ROBO1: variants seen among roughly 807,000 people sequenced by gnomAD.
The protein encoded by ROBO1 is roundabout guidance receptor 1.
A neutral mutation model predicts 195.9 loss-of-function variants in ROBO1; 149 were observed. The ratio of observed to expected loss-of-function variants is 0.76; its 90% CI spans 0.67 to 0.87. The LOEUF (loss-of-function observed/expected upper bound fraction) is 0.87. Among genes scored for constraint, ROBO1 ranks in the 40% least tolerant of loss-of-function variants. ROBO1 has a pLI of 0.00. For missense variants in ROBO1, 1,933 were observed against 2,068.3 expected (o/e 0.93, Z 1.27); for synonymous variants, 816 against 733.2 (o/e 1.11, Z -1.82).
intron 3 of ROBO1, among the ~76,000 whole-genome samples, chr3:79,084,026 C>A (rs1418771439): frequency 6.6e-6 from 1 of 152,144 alleles, no homozygotes; most frequent in Non-Finnish European, 1.5e-5. Context: ...ATTGTACTGC[C>A]TGACTCTGGA....
chr3:79,374,935 A>T (rs2036331598), intron 2 of ROBO1, among the ~76,000 whole-genome samples: 1 of 152,162 alleles, frequency 6.6e-6, no homozygotes, highest in Non-Finnish European at 1.5e-5. Context: ...TACTGAATGT[A>T]CTTAAGTTTT....
At chr3:78,800,670 C>T (rs772344110) in intron 4 of ROBO1, among the ~76,000 whole-genome samples, 18 of 152,106 alleles carry the variant, frequency 1.2e-4, no homozygotes, top group Middle Eastern at 3.2e-3. Context: ...GATTCTCCTG[C>T]CTCAGCCTCC....
chr3:78,898,140 CAT>C (rs759399986), intron 4 of ROBO1, among the ~76,000 whole-genome samples: 561 of 145,580 alleles, frequency 3.9e-3, no homozygotes, highest in African/African-American at 0.011. Flanking sequence ...AGTTCTAAAA[CAT>C]ATATATATAT....
intron 4 of ROBO1, among the ~76,000 whole-genome samples, chr3:78,785,269 T>C (rs2083797240): frequency 6.6e-6 from 1 of 152,198 alleles, no homozygotes; most frequent in Non-Finnish European, 1.5e-5. Context: ...TAGAACACTC[T>C]TCTGAGTCTT....
At chr3:79,484,007 G>A (rs1324356674) in intron 2 of ROBO1, among the ~76,000 whole-genome samples, 1 of 152,186 alleles carries the variant, frequency 6.6e-6, no homozygotes, top group Non-Finnish European at 1.5e-5. Flanking sequence ...AGACCTAACT[G>A]CTTTCAAGGA....
At chr3:79,251,327 G>T (rs891002929) in intron 2 of ROBO1, among the ~76,000 whole-genome samples, 1 of 152,140 alleles carries the variant, frequency 6.6e-6, no homozygotes, top group African/African-American at 2.4e-5. Context: ...TGCAGAAGTA[G>T]TACTTTTGGA....
intron 2 of ROBO1, among the ~76,000 whole-genome samples, chr3:79,423,232 A>C (rs903315661): frequency 3.9e-5 from 6 of 152,116 alleles, no homozygotes; most frequent in Non-Finnish European, 7.4e-5. Context: ...AATAGATGAG[A>C]TTAAAATGGG....
rs576273122 is a variant in ROBO1, at chr3:78,922,665, A to C, written c.499+15936T>G. On this transcript the variant is annotated intron_variant, in intron 4 of 30. Transcript: ENST00000464233. ...TGTTCTGTCACCCAGGCTGGAGTGC[A>C]GTGGCACGATCTCAGCTCACTGCAA... 5.2e-3 allele frequency among the ~76,000 whole-genome samples: 736 copies of C among 141,758 alleles called. 5 individuals carry two copies. Among genetic ancestry groups the C allele is most frequent in the African/African-American group, 0.019 (699 of 37,220 alleles). 93.0% of individuals were successfully genotyped at this position (141,758 alleles called of 152,430 possible). A position where few individuals can be genotyped will look rare whatever the true frequency, so the allele number is the denominator to read the frequency against.
chr3:79,509,691 A>G (rs1940598950), intron 2 of ROBO1, among the ~76,000 whole-genome samples: 1 of 152,176 alleles, frequency 6.6e-6, no homozygotes, highest in African/African-American at 2.4e-5. Context: ...ATGTGTGACA[A>G]GCACTCAATA....
At chr3:79,660,676 C>T (rs1039855010) in intron 1 of ROBO1, among the ~76,000 whole-genome samples, 4 of 152,074 alleles carry the variant, frequency 2.6e-5, no homozygotes, top group African/African-American at 9.7e-5. Context: ...CCATGACCAT[C>T]AGAATATACT....
At chr3:78,833,430 G>A (rs1284907834) in intron 4 of ROBO1, among the ~76,000 whole-genome samples, 2 of 151,988 alleles carry the variant, frequency 1.3e-5, no homozygotes, top group Admixed American at 6.6e-5. Context: ...AAAATTAATT[G>A]TATGAAACCA....
intron 3 of ROBO1, among the ~76,000 whole-genome samples, chr3:79,008,161 CT>C (rs2077670666): frequency 1.3e-5 from 2 of 152,158 alleles, no homozygotes; most frequent in Non-Finnish European, 2.9e-5. Context: ...AAATGCAATT[CT>C]CCCTTCTTTC....
chr3:79,661,736 T>C (rs1009113135), intron 1 of ROBO1, among the ~76,000 whole-genome samples: 6 of 152,068 alleles, frequency 3.9e-5, no homozygotes, highest in African/African-American at 1.4e-4. Context: ...GAAACCTGTT[T>C]CGCCTGCAAG....
intron 9 of ROBO1, 120 bp downstream of exon 9, chr3:78,688,528 A>T: frequency 9.4e-7 from 1 of 1,058,378 alleles, no homozygotes; most frequent in Non-Finnish European, 1.3e-6. Flanking sequence ...GCACTCAGAG[A>T]TTTGCCAGTT....
At chr3:78,705,548 G>A (rs1010533342) in intron 8 of ROBO1, among the ~76,000 whole-genome samples, 1 of 152,206 alleles carries the variant, frequency 6.6e-6, no homozygotes, top group African/African-American at 2.4e-5. Context: ...AATGTTACAA[G>A]AACATCAAGG....
At position 78,598,316 on chromosome 3, in the gene ROBO1, G is replaced by A. The variant is rs996742638; in HGVS notation, c.*597C>T. On this transcript the variant is annotated 3_prime_UTR_variant, in exon 31 of 31. Transcript: ENST00000464233. ...ATAAAATACCACCAGGGTTTGCAAA[G>A]AGTAAATATTTACAATGTTTCTACC... The A allele has an allele frequency of 6.6e-6, 1 of 152,336 alleles. No individual in the cohort carries two copies. Among genetic ancestry groups the A allele is most frequent in the South Asian group, 2.1e-4 (1 of 4,824 alleles). 9.4% of individuals were successfully genotyped at this position (152,336 alleles called of 1,614,324 possible).
chr3:78,885,940 T>TATAC (rs1043908565), intron 4 of ROBO1, among the ~76,000 whole-genome samples: 35 of 140,806 alleles, frequency 2.5e-4, no homozygotes, highest in African/African-American at 5.5e-4. Context: ...TATATATATA[T>TATAC]ACATACATAT....
chr3:78,598,851 C>A lies in ROBO1; in HGVS notation c.*62G>T. The A allele has an allele frequency of 8.6e-7, 1 of 1,165,578 alleles. No homozygotes were observed. 72.2% of individuals were successfully genotyped at this position (1,165,578 alleles called of 1,614,324 possible). On this transcript the variant is annotated 3_prime_UTR_variant, in exon 31 of 31. Coordinates refer to ENST00000464233, the MANE Select transcript of ROBO1 (RefSeq NM_002941.4). ...CATTTTATCTGGCGTCATGTGTCAT[C>A]TGACAGGAGGCATCTTGAGTGATGA...
chr3:78,859,515 A>G (rs1256734851), intron 4 of ROBO1, among the ~76,000 whole-genome samples: 1 of 152,134 alleles, frequency 6.6e-6, no homozygotes, highest in Non-Finnish European at 1.5e-5. Flanking sequence ...TTCAACCTAT[A>G]GTGATAATAT....
Sources: gnomAD v4.1 joint callset for allele counts (sites outside exome capture counted in the v4.1 genomes callset) on GRCh38, gnomAD v4.1.1 for gene constraint, MANE v1.5 for transcripts, NCBI Gene and HGNC (gene_info 2026-07-23, HGNC 2026-07-21) for gene names.